The following GRID1 variants were observed in gnomAD, a reference collection of about 807,000 sequenced individuals.
The protein encoded by GRID1 is glutamate ionotropic receptor delta type subunit 1.
In GRID1, 28 loss-of-function variants were observed where a neutral mutation model predicts 98.0. The observed-to-expected ratio is 0.29, with a 90% CI of 0.21 to 0.39. GRID1 has a LOEUF of 0.39. Among genes scored for constraint, GRID1 ranks in the 10% least tolerant of loss-of-function variants. The pLI, the probability that GRID1 is intolerant of heterozygous loss-of-function variation, is 1.00. For synonymous variants in GRID1, 553 were observed against 538.5 expected, an observed-to-expected ratio of 1.03 and a Z score of -0.37; for missense variants, 1,111 against 1,340.5, an observed-to-expected ratio of 0.83 and a Z score of 2.67.
At chr10:86,005,444 G>C (rs1842849466) in intron 4 of GRID1, among the ~76,000 whole-genome samples, 1 of 152,192 alleles carries the variant, frequency 6.6e-6, no homozygotes. Flanking sequence ...TGTTGTTGGA[G>C]AGACTACTGG....
chr10:86,013,732 T>C (rs1842947021), intron 4 of GRID1, among the ~76,000 whole-genome samples: 1 of 152,206 alleles, frequency 6.6e-6, no homozygotes, highest in Admixed American at 6.5e-5. Flanking sequence ...AAGAACATCA[T>C]GCTAGTCTAA....
chr10:85,845,426 G>T (rs1235036019), intron 8 of GRID1, among the ~76,000 whole-genome samples: 2 of 151,954 alleles, frequency 1.3e-5, no homozygotes, highest in Admixed American at 6.5e-5. Context: ...TAAATTGAGG[G>T]GTATACTATA....
At chr10:85,897,099 G>A (rs551497663) in intron 5 of GRID1, among the ~76,000 whole-genome samples, 246 of 152,212 alleles carry the variant, frequency 1.6e-3, no homozygotes, top group African/African-American at 5.0e-3. Flanking sequence ...AATAAATGAC[G>A]TATATAAGGC....
chr10:85,884,408 T>G (rs1841083032), intron 5 of GRID1, among the ~76,000 whole-genome samples: 1 of 152,192 alleles, frequency 6.6e-6, no homozygotes, highest in Non-Finnish European at 1.5e-5. Flanking sequence ...TTATATTTGT[T>G]TCATTTGGCT....
intron 8 of GRID1, among the ~76,000 whole-genome samples, chr10:85,795,355 C>A (rs1319919349): frequency 6.6e-6 from 1 of 152,132 alleles, no homozygotes; most frequent in Non-Finnish European, 1.5e-5. Flanking sequence ...GCAAAAGATT[C>A]TAAAAGGTGT....
At position 86,151,551 on chromosome 10, in the gene GRID1, G is replaced by T. The variant is rs116940518; in HGVS notation, c.521-12527C>A. 7.6e-4 allele frequency among the ~76,000 whole-genome samples: 115 copies of T among 152,254 alleles called. 4 individuals are homozygous for T. In the East Asian group the frequency reaches 0.019, roughly 26 times the overall value. On this transcript the variant is annotated intron_variant, in intron 3 of 15. Coordinates refer to ENST00000327946, the MANE Select transcript of GRID1 (RefSeq NM_017551.3). ...AAGAATGGCAAGAGGAAAACATGATGCATGCCATTACCAGCTGTTAATTTG... is the reference window on the plus strand; with the variant it reads ...AAGAATGGCAAGAGGAAAACATGATTCATGCCATTACCAGCTGTTAATTTG...
At chr10:85,672,515 T>A (rs1312923880) in intron 12 of GRID1, among the ~76,000 whole-genome samples, 1 of 152,036 alleles carries the variant, frequency 6.6e-6, no homozygotes, top group East Asian at 1.9e-4. Flanking sequence ...ACCATGTTGG[T>A]CAGGATGGTC....
At chr10:85,920,874 A>T (rs1880384) in intron 4 of GRID1, among the ~76,000 whole-genome samples, 1 of 151,946 alleles carries the variant, frequency 6.6e-6, no homozygotes, top group Non-Finnish European at 1.5e-5. Flanking sequence ...ACTGTGGCTG[A>T]GGGACACAAA....
intron 8 of GRID1, among the ~76,000 whole-genome samples, chr10:85,836,122 G>GT (rs1333855594): frequency 2.6e-5 from 4 of 151,702 alleles, no homozygotes; most frequent in Non-Finnish European, 4.4e-5. Flanking sequence ...ACTTCAAGGA[G>GT]TAAAAAAAAG....
intron 8 of GRID1, among the ~76,000 whole-genome samples, chr10:85,833,373 G>T (rs758033398): frequency 6.6e-6 from 1 of 152,178 alleles, no homozygotes; most frequent in Non-Finnish European, 1.5e-5. Context: ...AGAAAGATCA[G>T]AGGAAGCCCC....
chr10:86,235,677 A>G (rs1266959991), intron 2 of GRID1, among the ~76,000 whole-genome samples: 3 of 152,236 alleles, frequency 2.0e-5, no homozygotes, highest in African/African-American at 4.8e-5. Flanking sequence ...TCTTTCACTT[A>G]GAATAATGTT....
intron 4 of GRID1, among the ~76,000 whole-genome samples, chr10:86,069,183 C>A (rs1035841707): frequency 1.3e-5 from 2 of 152,112 alleles, no homozygotes; most frequent in African/African-American, 4.8e-5. Context: ...GGGCTCTGCT[C>A]ACCTGGGCCA....
At chr10:86,300,050 T>C (rs377729844) in intron 2 of GRID1, among the ~76,000 whole-genome samples, 9 of 152,154 alleles carry the variant, frequency 5.9e-5, no homozygotes, top group African/African-American at 2.2e-4. Flanking sequence ...CATATTAGAT[T>C]AGGGAGGGCC....
chr10:85,631,192 G>A (rs1263912788), intron 13 of GRID1, among the ~76,000 whole-genome samples: 2 of 152,162 alleles, frequency 1.3e-5, no homozygotes, highest in Non-Finnish European at 2.9e-5. Context: ...AAAGAACCAA[G>A]GCCACAGAAT....
At chr10:85,616,614 G>A (rs1393841121) in intron 14 of GRID1, among the ~76,000 whole-genome samples, 4 of 152,266 alleles carry the variant, frequency 2.6e-5, no homozygotes, top group Non-Finnish European at 4.4e-5. Flanking sequence ...CAATTTATAC[G>A]AAAGCATAAC....
At chr10:85,727,708 G>T in intron 10 of GRID1, 147 bp downstream of exon 10, 1 of 634,606 alleles carries the variant, frequency 1.6e-6, no homozygotes, top group Non-Finnish European at 2.8e-6. Context: ...GGGATTTGAA[G>T]ACAAAAGAGC....
intron 15 of GRID1, among the ~76,000 whole-genome samples, chr10:85,607,509 G>A (rs192269552): frequency 6.6e-6 from 1 of 152,328 alleles, no homozygotes; most frequent in East Asian, 1.9e-4. Flanking sequence ...AGTATTGGCT[G>A]GGTAAGGACA....
chr10:86,304,578 C>T (rs1031195393), intron 2 of GRID1, among the ~76,000 whole-genome samples: 2 of 152,190 alleles, frequency 1.3e-5, no homozygotes, highest in African/African-American at 2.4e-5. Context: ...GACAGAGGCC[C>T]CCAAAGGCAG....
chr10:85,835,880 C>T (rs1415416137), intron 8 of GRID1, among the ~76,000 whole-genome samples: 2 of 151,992 alleles, frequency 1.3e-5, no homozygotes, highest in Admixed American at 1.3e-4. Flanking sequence ...AAGAGAAAAA[C>T]AAAAGGATGA....
Sources: allele counts gnomAD v4.1 joint callset (sites outside exome capture counted in the v4.1 genomes callset), GRCh38; gene constraint gnomAD v4.1.1; transcripts MANE v1.5; gene names NCBI Gene and HGNC (gene_info 2026-07-23, HGNC 2026-07-21).